The following SLC9C1 variants were observed in gnomAD, a reference collection of about 807,000 sequenced individuals.
The protein encoded by SLC9C1 is solute carrier family 9 member C1.
A neutral mutation model predicts 140.9 loss-of-function variants in SLC9C1; 97 were observed. The observed-to-expected ratio is 0.69, with a 90% CI of 0.58 to 0.82. The LOEUF (loss-of-function observed/expected upper bound fraction) is 0.82, where lower values mean the gene tolerates loss of function less well. Ranked by LOEUF, SLC9C1 falls within the 40% of genes least tolerant of loss-of-function variation. The pLI is 0.00. For synonymous variants in SLC9C1, 440 were observed against 442.6 expected (o/e 0.99, Z 0.07); for missense variants, 1,340 against 1,389.3 (o/e 0.96, Z 0.56).
At chr3:112,224,088 T>C (rs2078613705) in intron 13 of SLC9C1, among the ~76,000 whole-genome samples, 1 of 152,158 alleles carries the variant, frequency 6.6e-6, no homozygotes. Context: ...ATGATCCTGG[T>C]TCTCTACCCA....
chr3:112,261,678 T>C (rs942766823), intron 10 of SLC9C1, among the ~76,000 whole-genome samples: 6 of 152,106 alleles, frequency 3.9e-5, no homozygotes, highest in Non-Finnish European at 7.4e-5. Context: ...ACTAAATGAT[T>C]TTACTTACTA....
chr3:112,283,880 C>T (rs990359285), intron 2 of SLC9C1, among the ~76,000 whole-genome samples: 2 of 150,710 alleles, frequency 1.3e-5, no homozygotes, highest in Non-Finnish European at 1.5e-5. Context: ...CATGATCGGT[C>T]GCCTATTACA....
intron 26 of SLC9C1, among the ~76,000 whole-genome samples, chr3:112,155,981 C>T (rs977287436): frequency 6.6e-6 from 1 of 152,000 alleles, no homozygotes; most frequent in Non-Finnish European, 1.5e-5. Context: ...TAACCATCAC[C>T]TCAAACATTT....
intron 15 of SLC9C1, 57 bp from the exon 16 acceptor site, chr3:112,208,430 T>C (rs1313918208): frequency 8.3e-7 from 1 of 1,208,874 alleles, no homozygotes; most frequent in Non-Finnish European, 1.1e-6. Context: ...ATGATTTTCA[T>C]ATATACTCAT....
At chr3:112,222,305 CCAAATCAA>C (rs1343882412) in intron 13 of SLC9C1, among the ~76,000 whole-genome samples, 1 of 151,960 alleles carries the variant, frequency 6.6e-6, no homozygotes, top group African/African-American at 2.4e-5. Flanking sequence ...AACGCAGAAA[CCAAATCAA>C]CAAATCAAGA....
intron 1 of SLC9C1, 97 bp downstream of exon 1, chr3:112,293,996 G>A (rs1408576093): frequency 6.6e-6 from 1 of 152,188 alleles, no homozygotes; most frequent in Non-Finnish European, 1.5e-5. Context: ...GGAAAACAGT[G>A]GGAGCCTTTG....
chr3:112,260,353 A>G (rs1213771353), intron 10 of SLC9C1, among the ~76,000 whole-genome samples: 1 of 151,404 alleles, frequency 6.6e-6, no homozygotes, highest in African/African-American at 2.4e-5. Context: ...TCCTATGTCC[A>G]TTTTTTTCTT....
intron 11 of SLC9C1, among the ~76,000 whole-genome samples, chr3:112,241,412 A>T (rs1239143159): frequency 6.6e-6 from 1 of 152,188 alleles, no homozygotes; most frequent in African/African-American, 2.4e-5. Flanking sequence ...GATCTCTACA[A>T]GGCGAACTAT....
chr3:112,288,143 C>A (rs937893599), intron 1 of SLC9C1, among the ~76,000 whole-genome samples: 8 of 150,760 alleles, frequency 5.3e-5, no homozygotes, highest in Non-Finnish European at 8.8e-5. Flanking sequence ...CGCACACACA[C>A]ACATCATATA....
intron 12 of SLC9C1, among the ~76,000 whole-genome samples, chr3:112,233,072 A>ATTT (rs869095144): frequency 1.2e-5 from 1 of 83,758 alleles, no homozygotes; most frequent in East Asian, 4.1e-4. Context: ...TATATATTAT[A>ATTT]TTTTTTTTTT....
At position 112,261,904 on chromosome 3, in the gene SLC9C1, A is replaced by T. The variant is rs180806745; in HGVS notation, c.1197+1020T>A. On this transcript the variant is annotated intron_variant, in intron 10 of 28. Transcript: ENST00000305815. ...ATCGTTCAATTTCAGGAAGTTTATGAGCTGACTGATGTTCTGTTGGTGGAA... is the reference window on the plus strand; with the variant it reads ...ATCGTTCAATTTCAGGAAGTTTATGTGCTGACTGATGTTCTGTTGGTGGAA... Among the ~76,000 whole-genome samples, 235 of 152,168 alleles carry T rather than the reference A, an allele frequency of 1.5e-3. 1 individual carries two copies. Among genetic ancestry groups the T allele is most frequent in the Non-Finnish European group, 1.2e-3 (84 of 67,928 alleles).
At chr3:112,276,914 C>T (rs193050832) in intron 5 of SLC9C1, among the ~76,000 whole-genome samples, 1 of 152,228 alleles carries the variant, frequency 6.6e-6, no homozygotes, top group East Asian at 1.9e-4. Context: ...CTTGATGTGT[C>T]TCCCCTACTC....
rs762260500 is a variant in SLC9C1, at chr3:112,269,903, G to GC, written c.775+12dup. On this transcript the variant is annotated intron_variant, in intron 7 of 28. Coordinates refer to ENST00000305815, the MANE Select transcript of SLC9C1 (RefSeq NM_183061.3). ...CTATGTGATTTTATTTTAGGCATAG[G>GC]CCCCTCACTTACAAATATAAAAGAT... The GC allele has an allele frequency of 8.1e-6, 12 of 1,483,124 alleles. No individual in the cohort carries two copies. Among genetic ancestry groups the GC allele is most frequent in the African/African-American group, 1.4e-5 (1 of 69,288 alleles). 91.9% of individuals were successfully genotyped at this position (1,483,124 alleles called of 1,614,324 possible). A position where few individuals can be genotyped will look rare whatever the true frequency, so the allele number is the denominator to read the frequency against.
chr3:112,242,449 C>T (rs943678912), intron 11 of SLC9C1, among the ~76,000 whole-genome samples: 25 of 152,106 alleles, frequency 1.6e-4, no homozygotes, highest in Non-Finnish European at 3.4e-4. Flanking sequence ...TTTGCATGTT[C>T]TCACTTATTT....
chr3:112,270,178 T>C, intron 6 of SLC9C1, 101 bp from the exon 7 acceptor site: 1 of 1,203,586 alleles, frequency 8.3e-7, no homozygotes, highest in Non-Finnish European at 1.1e-6. Flanking sequence ...ATCTTTAAAA[T>C]TAGCTAACTG....
At chr3:112,249,090 A>C (rs1289074194) in intron 10 of SLC9C1, among the ~76,000 whole-genome samples, 1 of 152,082 alleles carries the variant, frequency 6.6e-6, no homozygotes, top group African/African-American at 2.4e-5. Context: ...TGGGCTTGTC[A>C]TAGAGGGCTC....
chr3:112,276,134 TAATA>T (rs2080207837), intron 5 of SLC9C1, among the ~76,000 whole-genome samples: 1 of 152,106 alleles, frequency 6.6e-6, no homozygotes, highest in Non-Finnish European at 1.5e-5. Context: ...TCATGAGAAA[TAATA>T]AATAATTGTT....
At chr3:112,190,042 A>T (rs1167993080) in intron 20 of SLC9C1, among the ~76,000 whole-genome samples, 1 of 151,964 alleles carries the variant, frequency 6.6e-6, no homozygotes, top group East Asian at 1.9e-4. Flanking sequence ...TTTGTCTGTT[A>T]TTTGTGTATA....
chr3:112,158,019 G>A (rs1053205434), intron 26 of SLC9C1, among the ~76,000 whole-genome samples: 9 of 151,356 alleles, frequency 5.9e-5, no homozygotes, highest in African/African-American at 9.7e-5. Context: ...TTTTTCCCTC[G>A]CCTAATTGCT....
Sources: allele counts gnomAD v4.1 joint callset (sites outside exome capture counted in the v4.1 genomes callset), GRCh38; gene constraint gnomAD v4.1.1; transcripts MANE v1.5; gene names NCBI Gene and HGNC (gene_info 2026-07-23, HGNC 2026-07-21).